Variants in ZNF106 observed in about 807,000 individuals in gnomAD.
ZNF106 encodes zinc finger protein 106, also known as SH3-domain binding protein 3.
In ZNF106, 67 loss-of-function variants were observed where a neutral mutation model predicts 195.1. The ratio of observed to expected loss-of-function variants is 0.34; its 90% CI spans 0.28 to 0.42. ZNF106 has a LOEUF of 0.42. ZNF106 is among the 10% of genes least tolerant of loss of function. The pLI, the probability that ZNF106 is intolerant of heterozygous loss-of-function variation, is 1.00. For missense variants in ZNF106, 2,118 were observed against 2,304.5 expected, an observed-to-expected ratio of 0.92 and a Z score of 1.66; for synonymous variants, 784 against 818.6, an observed-to-expected ratio of 0.96 and a Z score of 0.72.
chr15:42,422,634 G>A lies in ZNF106; in HGVS notation c.5254-14C>T. ...GAGCTCACCAGTCTATGTCAGAAGA[G>A]AAGTAAGAGTCACCAGACTGACTTT... is the stretch of plus-strand genomic sequence containing the variant. On this transcript the variant is annotated splice_polypyrimidine_tract_variant and intron_variant, in intron 17 of 21. Coordinates refer to ENST00000564754, the MANE Select transcript of ZNF106 (RefSeq NM_001366845.3). 1 of 1,592,494 alleles carries A rather than the reference G, an allele frequency of 6.3e-7. No individual in the cohort carries two copies. Among genetic ancestry groups the A allele is most frequent in the Non-Finnish European group, 8.5e-7 (1 of 1,171,798 alleles).
At chr15:42,423,795 C>CCTGT (rs2054754807) in intron 17 of ZNF106, among the ~76,000 whole-genome samples, 1 of 152,194 alleles carries the variant, frequency 6.6e-6, no homozygotes, top group African/African-American at 2.4e-5. Context: ...TTACATAAAG[C>CCTGT]CTGTCTGTCC....
intron 1 of ZNF106, among the ~76,000 whole-genome samples, chr15:42,478,325 C>T (rs577071713): frequency 2.0e-4 from 30 of 151,402 alleles, no homozygotes; most frequent in African/African-American, 6.8e-4. Flanking sequence ...CACCATGCCC[C>T]GCTAATTTTT....
chr15:42,462,584 G>A (rs1236985196), intron 3 of ZNF106, among the ~76,000 whole-genome samples: 2 of 152,112 alleles, frequency 1.3e-5, no homozygotes, highest in Non-Finnish European at 2.9e-5. Context: ...GGCTACGAGT[G>A]TGAAACTCCG....
chr15:42,485,990 G>A (rs1164400437), intron 1 of ZNF106, among the ~76,000 whole-genome samples: 3 of 140,798 alleles, frequency 2.1e-5, no homozygotes, highest in South Asian at 4.3e-4. Flanking sequence ...ACGGAGTCTC[G>A]CTCTGTCGCC....
chr15:42,473,482 C>G (rs2056722749), intron 1 of ZNF106, among the ~76,000 whole-genome samples: 1 of 152,176 alleles, frequency 6.6e-6, no homozygotes, highest in African/African-American at 2.4e-5. Flanking sequence ...ATCCTCCCAC[C>G]TTTGCACCTC....
intron 2 of ZNF106, among the ~76,000 whole-genome samples, chr15:42,466,406 G>A (rs1395881477): frequency 1.3e-5 from 2 of 151,856 alleles, no homozygotes; most frequent in Non-Finnish European, 2.9e-5. Context: ...AACTAAGTAA[G>A]TTAAATTCTA....
intron 2 of ZNF106, among the ~76,000 whole-genome samples, chr15:42,469,437 T>C (rs1318475728): frequency 1.3e-5 from 2 of 152,174 alleles, no homozygotes; most frequent in African/African-American, 4.8e-5. Flanking sequence ...TTTGTTTTTT[T>C]TAAAACACTT....
rs540899395 is a variant in ZNF106, at chr15:42,417,731, T to C, written c.5664+74A>G. 1.2e-4 allele frequency: 175 copies of C among 1,470,854 alleles called. 1 individual carries two copies. The African/African-American group carries it at 2.3e-3, about 19-fold the overall frequency. The allele number at this position is 1,470,854 out of a possible 1,614,324, so 91.1% of individuals were successfully genotyped here. On this transcript the variant is annotated intron_variant, in intron 21 of 21. Coordinates refer to ENST00000564754, the MANE Select transcript of ZNF106 (RefSeq NM_001366845.3). ...CCCTATATATGGCAATTCTCAATAA[T>C]AAAAAAGGTTTGCTAGCCCCTGCTC...
At chr15:42,474,532 T>C (rs1360370552) in intron 1 of ZNF106, among the ~76,000 whole-genome samples, 2 of 152,008 alleles carry the variant, frequency 1.3e-5, no homozygotes, top group East Asian at 1.9e-4. Context: ...GCTGAGGTGA[T>C]AGGATCACTT....
chr15:42,449,289 TAA>T (rs2055893495), intron 5 of ZNF106, among the ~76,000 whole-genome samples: 1 of 152,134 alleles, frequency 6.6e-6, no homozygotes, highest in African/African-American at 2.4e-5. Flanking sequence ...CACAAGCGCT[TAA>T]GAGAAAGCAT....
rs2055412851 is a variant in ZNF106 at position 42,439,413 on chromosome 15, A to G, written c.4164T>C (p.His1388=). The G allele has an allele frequency of 1.9e-6, 3 of 1,614,066 alleles. No homozygotes were observed. The highest frequency in any genetic ancestry group is 2.7e-5 in the African/African-American group (2 of 74,922). The change falls in exon 11 of 22, where the codon CAT becomes CAC. Residue 1388 remains histidine, a synonymous_variant. Transcript: ENST00000564754. ...LRKKKSLRAA[H]VPENSDTEQD... ...GTTCAGTGTCACTATTCTCAGGAAC[A>G]TGGGCAGCCCGTAGACTTTTCTTCT...
intron 16 of ZNF106, 196 bp downstream of exon 16, chr15:42,424,638 C>G: frequency 1.8e-6 from 1 of 547,390 alleles, no homozygotes. Flanking sequence ...ACCACAACAT[C>G]CCGCTAATTT....
chr15:42,433,007 G>A (rs1181024481), intron 14 of ZNF106, among the ~76,000 whole-genome samples: 1 of 152,048 alleles, frequency 6.6e-6, no homozygotes, highest in African/African-American at 2.4e-5. Context: ...TTAAATATGG[G>A]TAAATTTAGG....
chr15:42,457,187 C>G, intron 3 of ZNF106, 29 bp from the exon 4 acceptor site: 1 of 1,613,966 alleles, frequency 6.2e-7, no homozygotes, highest in Non-Finnish European at 8.5e-7. Flanking sequence ...GAGGGACATT[C>G]AATTCTCCCC....
intron 1 of ZNF106, among the ~76,000 whole-genome samples, chr15:42,473,052 G>A (rs894515347): frequency 6.6e-6 from 1 of 150,450 alleles, no homozygotes; most frequent in South Asian, 2.1e-4. Flanking sequence ...TATACAGGTT[G>A]AAAATTCCAA....
At chr15:42,465,878 T>C (rs1422598337) in intron 3 of ZNF106, among the ~76,000 whole-genome samples, 175 bp downstream of exon 3, 1 of 152,232 alleles carries the variant, frequency 6.6e-6, no homozygotes, top group African/African-American at 2.4e-5. Context: ...GTATCAGAGT[T>C]TATCCCTTTT....
rs566440890 is a variant in ZNF106, at chr15:42,484,800, T to C, written c.-33+6180A>G. Reference sequence around the variant, plus strand: ...TTTCCCAAAATAGTGACCAACTCAATAATCTTTCTGAACTAAAGAAAGCAC... The same window carrying C: ...TTTCCCAAAATAGTGACCAACTCAACAATCTTTCTGAACTAAAGAAAGCAC... On this transcript the variant is annotated intron_variant, in intron 1 of 21. Transcript: ENST00000564754. Among the ~76,000 whole-genome samples the C allele has an allele frequency of 2.0e-5, 3 of 152,188 alleles. No individual in the cohort carries two copies. In the East Asian group the frequency reaches 5.8e-4, roughly 30 times the overall value.
chr15:42,459,269 A>T (rs527801262), intron 3 of ZNF106, among the ~76,000 whole-genome samples: 136 of 152,188 alleles, frequency 8.9e-4, no homozygotes, highest in Middle Eastern at 3.4e-3. Flanking sequence ...TGAGGTCAGG[A>T]GTTTGAGACC....
Position 42,459,373 on chromosome 15 carries a change from G to C in ZNF106, c.117-2215C>G, listed in dbSNP as rs555285726. 1.9e-4 allele frequency among the ~76,000 whole-genome samples: 29 copies of C among 152,190 alleles called. No individual in the cohort carries two copies. In the East Asian group the frequency reaches 5.4e-3, roughly 28 times the overall value. On this transcript the variant is annotated intron_variant, in intron 3 of 21. Transcript: ENST00000564754. Reference sequence around the variant, plus strand: ...CACCTGTAATCCCAGCTACTCAAGAGGCTGAGGCAGGAGAATCGCTTGAAC... The same window carrying C: ...CACCTGTAATCCCAGCTACTCAAGACGCTGAGGCAGGAGAATCGCTTGAAC...
Sources: gnomAD v4.1 joint callset for allele counts (sites outside exome capture counted in the v4.1 genomes callset) on GRCh38, gnomAD v4.1.1 for gene constraint, MANE v1.5 for transcripts, NCBI Gene and HGNC (gene_info 2026-07-23, HGNC 2026-07-21) for gene names.